Variants in TTLL11 observed in about 807,000 individuals in gnomAD.
TTLL11 encodes the protein tubulin tyrosine ligase like 11.
A neutral mutation model predicts 51.7 loss-of-function variants in TTLL11; 42 were observed. That is an observed-to-expected ratio of 0.81 (90% CI 0.64 to 1.05). TTLL11 has a LOEUF of 1.05. TTLL11 is among the 50% of genes least tolerant of loss of function. The probability of loss-of-function intolerance (pLI) is 0.00; values close to 1 mark genes in which losing one functional copy is unlikely to be tolerated. For synonymous variants in TTLL11, 381 were observed against 383.5 expected (o/e 0.99, Z 0.08); for missense variants, 799 against 940.4 (o/e 0.85, Z 1.97).
At position 121,989,154 on chromosome 9, in the gene TTLL11, G is replaced by A. The variant is rs1588180521; in HGVS notation, c.1269+41C>T. 1 of 1,604,188 alleles carries A rather than the reference G, an allele frequency of 6.2e-7. No homozygotes were observed. The highest frequency in any genetic ancestry group is 8.5e-7 in the Non-Finnish European group (1 of 1,174,360). The stretch of plus-strand genomic sequence containing the variant: ...AAGCCAGAGAGCCCTCTTGAGGCCG[G>A]TCAAGGCTGGAAACGCAGGCTGGGA... On this transcript the variant is annotated intron_variant, in intron 4 of 8. Coordinates refer to ENST00000321582, the MANE Select transcript of TTLL11 (RefSeq NM_001139442.2). This position sits in a 1 kb window ranked among gnomAD's most constrained non-coding sequence, Gnocchi z 4.2.
intron 3 of TTLL11, among the ~76,000 whole-genome samples, chr9:122,026,163 G>T (rs1844328847): frequency 6.6e-6 from 1 of 152,140 alleles, no homozygotes; most frequent in Non-Finnish European, 1.5e-5. Flanking sequence ...GAGGGGCTGG[G>T]CGTGGTGGCT....
intron 6 of TTLL11, among the ~76,000 whole-genome samples, chr9:121,944,329 GA>G (rs1180530990): frequency 6.6e-6 from 1 of 152,060 alleles, no homozygotes; most frequent in Non-Finnish European, 1.5e-5. Flanking sequence ...CCAACATGAC[GA>G]ATCCCCGCCT....
At chr9:122,081,870 CAT>C (rs1353402701) in intron 1 of TTLL11, among the ~76,000 whole-genome samples, 1 of 151,894 alleles carries the variant, frequency 6.6e-6, no homozygotes, top group African/African-American at 2.4e-5. Flanking sequence ...TGAGAAAAAA[CAT>C]AAACAAAACA....
intron 4 of TTLL11, among the ~76,000 whole-genome samples, chr9:121,983,927 A>T (rs557460118): frequency 6.6e-6 from 1 of 152,294 alleles, no homozygotes; most frequent in East Asian, 1.9e-4. Flanking sequence ...AAAAAGCTGA[A>T]ATATCAGAAG....
At chr9:121,866,800 T>A (rs960208654) in intron 7 of TTLL11, among the ~76,000 whole-genome samples, 8 of 152,222 alleles carry the variant, frequency 5.3e-5, no homozygotes, top group African/African-American at 1.9e-4. Context: ...GGGCTCAGTC[T>A]GAGTTCCTGT....
chr9:122,045,509 C>T (rs1844978320), intron 1 of TTLL11, among the ~76,000 whole-genome samples: 1 of 152,196 alleles, frequency 6.6e-6, no homozygotes, highest in South Asian at 2.1e-4. Context: ...CAAGATCACG[C>T]CACTGCACTC....
chr9:121,945,843 AAC>A (rs34123687), intron 6 of TTLL11, among the ~76,000 whole-genome samples: 30,533 of 152,158 alleles, frequency 0.2, 3,219 homozygotes, highest in Middle Eastern at 0.22. Flanking sequence ...GGAAATTACA[AAC>A]ACACTCCACT....
intron 8 of TTLL11, among the ~76,000 whole-genome samples, chr9:121,837,573 G>C (rs1473038475): frequency 6.6e-6 from 1 of 152,132 alleles, no homozygotes; most frequent in Admixed American, 6.5e-5. Flanking sequence ...CCTGATTAAT[G>C]CTCCCAGCTT....
At chr9:121,893,196 T>TA (rs542734004) in intron 6 of TTLL11, among the ~76,000 whole-genome samples, 4 of 151,944 alleles carry the variant, frequency 2.6e-5, no homozygotes, top group Admixed American at 6.6e-5. Flanking sequence ...TATGTTCATG[T>TA]AAAAAAAATA....
intron 1 of TTLL11, among the ~76,000 whole-genome samples, chr9:122,070,082 G>A (rs1464705999): frequency 3.3e-5 from 5 of 151,864 alleles, no homozygotes; most frequent in South Asian, 2.1e-4. Context: ...TGAGAGACAC[G>A]GCTCTTAAGC....
chr9:121,909,445 T>C (rs1840039900), intron 6 of TTLL11, among the ~76,000 whole-genome samples: 1 of 152,104 alleles, frequency 6.6e-6, no homozygotes, highest in Non-Finnish European at 1.5e-5. Flanking sequence ...AACCACCCCC[T>C]ACTCCCTATC....
In TTLL11 at chr9:121,816,132, A is replaced by C. The variant is rs1360097184; in HGVS notation, c.*6455T>G. ...TAAAGTCACTGGCCCGTGGTCATTT[A>C]GGCAGAGCGCAACAGATAGAACAAA... On this transcript the variant is annotated 3_prime_UTR_variant, in exon 9 of 9. Transcript: ENST00000321582. The C allele has an allele frequency of 6.6e-6, 1 of 152,246 alleles. No individual in the cohort carries two copies. Among genetic ancestry groups the C allele is most frequent in the Non-Finnish European group, 1.5e-5 (1 of 68,058 alleles). The allele number at this position is 152,246 out of a possible 1,614,324, so 9.4% of individuals were successfully genotyped here.
At chr9:121,978,318 A>G (rs544059621) in intron 4 of TTLL11, among the ~76,000 whole-genome samples, 1 of 152,294 alleles carries the variant, frequency 6.6e-6, no homozygotes, top group Admixed American at 6.5e-5. Context: ...CTGGCAGAAA[A>G]TCAGGTATTT....
intron 4 of TTLL11, among the ~76,000 whole-genome samples, chr9:121,977,447 T>A (rs2131665504): frequency 6.6e-6 from 1 of 152,214 alleles, no homozygotes; most frequent in Admixed American, 6.5e-5. Context: ...ATATATGCTA[T>A]CTCTTTCCAG....
chr9:122,066,587 C>T (rs1226752229), intron 1 of TTLL11, among the ~76,000 whole-genome samples: 1 of 152,190 alleles, frequency 6.6e-6, no homozygotes, highest in Non-Finnish European at 1.5e-5. Flanking sequence ...GGGGCCATAA[C>T]AGACATGACT....
intron 2 of TTLL11, among the ~76,000 whole-genome samples, chr9:122,038,872 T>A (rs1372174258): frequency 1.3e-5 from 2 of 152,172 alleles, no homozygotes; most frequent in Admixed American, 6.5e-5. Flanking sequence ...TTAAAAATGG[T>A]ACCTCCAAAT....
intron 6 of TTLL11, among the ~76,000 whole-genome samples, chr9:121,932,730 C>A (rs1404678747): frequency 6.6e-6 from 1 of 151,956 alleles, no homozygotes; most frequent in Non-Finnish European, 1.5e-5. Context: ...AAGGCTAATT[C>A]CCAGTGATCC....
At chr9:121,869,709 G>A (rs1032546453) in intron 7 of TTLL11, among the ~76,000 whole-genome samples, 4 of 152,224 alleles carry the variant, frequency 2.6e-5, no homozygotes, top group Middle Eastern at 3.4e-3. Flanking sequence ...GTTTCTATGC[G>A]ATCTCAACTA....
At chr9:122,015,845 T>C (rs1359772293) in intron 3 of TTLL11, among the ~76,000 whole-genome samples, 1 of 148,688 alleles carries the variant, frequency 6.7e-6, no homozygotes, top group Non-Finnish European at 1.5e-5. Context: ...AACCACAGCA[T>C]ATGTATATTA....
Sources: allele counts gnomAD v4.1 joint callset (sites outside exome capture counted in the v4.1 genomes callset), GRCh38; gene constraint gnomAD v4.1.1; non-coding constraint Gnocchi (gnomAD v3.1); transcripts MANE v1.5; gene names NCBI Gene and HGNC (gene_info 2026-07-23, HGNC 2026-07-21).